Variants in SPOCK3 observed in about 807,000 individuals in gnomAD.
SPOCK3 encodes testican-3.
Under a neutral mutation model 56.6 loss-of-function variants are expected in SPOCK3, and 30 were observed. That is an observed-to-expected ratio of 0.53 (90% confidence interval 0.40 to 0.72). The LOEUF (loss-of-function observed/expected upper bound fraction) is 0.72, where lower values mean the gene tolerates loss of function less well. Ranked by LOEUF, SPOCK3 falls within the 30% of genes least tolerant of loss-of-function variation. The pLI is 0.00. For synonymous variants in SPOCK3, 196 were observed against 183.3 expected (o/e 1.07, Z -0.56); for missense variants, 527 against 530.0 (o/e 0.99, Z 0.06).
intron 6 of SPOCK3, among the ~76,000 whole-genome samples, chr4:166,831,406 G>T (rs756104516): frequency 2.0e-5 from 3 of 151,766 alleles, no homozygotes; most frequent in African/African-American, 7.3e-5. Context: ...AAGATATCTG[G>T]GTCTGGAGTT....
At chr4:166,763,462 G>A (rs1441291677) in intron 7 of SPOCK3, among the ~76,000 whole-genome samples, 1 of 152,024 alleles carries the variant, frequency 6.6e-6, no homozygotes, top group Admixed American at 6.6e-5. Context: ...TGGAAATCTG[G>A]ATCTACATAT....
chr4:167,094,524 A>C (rs903255575), intron 2 of SPOCK3, among the ~76,000 whole-genome samples: 2 of 152,096 alleles, frequency 1.3e-5, no homozygotes, highest in African/African-American at 4.8e-5. Context: ...AAAATCTAAC[A>C]ATCATATCAA....
chr4:167,017,990 GA>G (rs1750802561), intron 3 of SPOCK3, among the ~76,000 whole-genome samples: 1 of 151,852 alleles, frequency 6.6e-6, no homozygotes, highest in Non-Finnish European at 1.5e-5. Context: ...TCTTTCTCAC[GA>G]AGGGACTTAT....
intron 6 of SPOCK3, among the ~76,000 whole-genome samples, chr4:166,842,932 G>A (rs779394444): frequency 6.6e-6 from 1 of 152,206 alleles, no homozygotes; most frequent in Non-Finnish European, 1.5e-5. Context: ...GGACCCCACA[G>A]TCAGGCATGG....
At chr4:167,059,781 A>C (rs1487657865) in intron 3 of SPOCK3, among the ~76,000 whole-genome samples, 1 of 152,246 alleles carries the variant, frequency 6.6e-6, no homozygotes, top group African/African-American at 2.4e-5. Context: ...GACTGGATTA[A>C]GAAAATGTGG....
At chr4:166,823,210 C>G (rs1367365515) in intron 6 of SPOCK3, among the ~76,000 whole-genome samples, 1 of 151,982 alleles carries the variant, frequency 6.6e-6, no homozygotes, top group Non-Finnish European at 1.5e-5. Context: ...GAATGTGAGT[C>G]AAAGTGATAA....
chr4:166,787,511 G>A (rs2126638838), intron 7 of SPOCK3, among the ~76,000 whole-genome samples: 1 of 152,094 alleles, frequency 6.6e-6, no homozygotes, highest in East Asian at 1.9e-4. Flanking sequence ...TATTCACTAA[G>A]CATCAATAAC....
At chr4:167,110,867 A>G (rs1760843341) in intron 2 of SPOCK3, among the ~76,000 whole-genome samples, 1 of 151,904 alleles carries the variant, frequency 6.6e-6, no homozygotes, top group African/African-American at 2.4e-5. Context: ...AGTGCTAACA[A>G]TGCTACCATA....
chr4:166,769,210 C>A (rs1457279710), intron 7 of SPOCK3, among the ~76,000 whole-genome samples: 7 of 152,178 alleles, frequency 4.6e-5, no homozygotes, highest in Admixed American at 4.6e-4. Context: ...CGCTGTCCAG[C>A]TGTCTTCTGT....
intron 6 of SPOCK3, among the ~76,000 whole-genome samples, chr4:166,833,839 T>G (rs755015134): frequency 3.9e-5 from 6 of 152,144 alleles, no homozygotes; most frequent in Non-Finnish European, 8.8e-5. Context: ...TATCTGTGGT[T>G]GCGTTTGGGC....
intron 6 of SPOCK3, among the ~76,000 whole-genome samples, chr4:166,884,884 C>A (rs1734041498): frequency 6.6e-6 from 1 of 151,718 alleles, no homozygotes. Context: ...CACACACACA[C>A]ACACACACAC....
chr4:166,989,510 C>A (rs963311330), intron 4 of SPOCK3, among the ~76,000 whole-genome samples: 1 of 152,038 alleles, frequency 6.6e-6, no homozygotes, highest in African/African-American at 2.4e-5. Flanking sequence ...GTCTTATGTG[C>A]TACAGCTTTT....
intron 6 of SPOCK3, among the ~76,000 whole-genome samples, chr4:166,799,279 G>A (rs1742293683): frequency 6.6e-6 from 1 of 152,170 alleles, no homozygotes; most frequent in Admixed American, 6.5e-5. Context: ...TTGGCTTATT[G>A]TTGATAATGC....
rs76940282 is a variant in SPOCK3, at chr4:166,787,009, C to T, written c.709+5161G>A. Among the ~76,000 whole-genome samples, 617 of 152,258 alleles carry T rather than the reference C, an allele frequency of 4.1e-3. 12 individuals are homozygous for T. In the East Asian group the frequency reaches 0.049, roughly 12 times the overall value. ...AAGCAGCTCAGCACCAGCTCAGATG[C>T]ACCTCTTGAAGTCATTCATTAACTT... On this transcript the variant is annotated intron_variant, in intron 7 of 10. Transcript: ENST00000357545.
chr4:166,934,091 G>A (rs972177824), intron 4 of SPOCK3, among the ~76,000 whole-genome samples: 8 of 152,044 alleles, frequency 5.3e-5, no homozygotes, highest in Non-Finnish European at 1.0e-4. Context: ...ATGAAAAGAG[G>A]AGGAAAAATA....
chr4:166,739,946 G>C (rs765835882), intron 9 of SPOCK3, among the ~76,000 whole-genome samples: 1 of 151,956 alleles, frequency 6.6e-6, no homozygotes, highest in African/African-American at 2.4e-5. Flanking sequence ...ACTTCAGAAC[G>C]CTTTCTATGG....
chr4:167,036,627 T>C (rs190735263), intron 3 of SPOCK3, among the ~76,000 whole-genome samples: 2 of 152,190 alleles, frequency 1.3e-5, no homozygotes, highest in Non-Finnish European at 2.9e-5. Context: ...TTTAACGGAA[T>C]AGTCTACTTT....
intron 2 of SPOCK3, among the ~76,000 whole-genome samples, chr4:167,148,374 T>C (rs1764150544): frequency 6.6e-6 from 1 of 152,112 alleles, no homozygotes; most frequent in Non-Finnish European, 1.5e-5. Context: ...CTTTCTATTA[T>C]CATCTGGTCA....
At chr4:166,944,391 T>C (rs956316160) in intron 4 of SPOCK3, among the ~76,000 whole-genome samples, 2 of 152,170 alleles carry the variant, frequency 1.3e-5, no homozygotes, top group African/African-American at 4.8e-5. Flanking sequence ...ATCACTCCCA[T>C]CTAACCCTCA....
Sources: allele counts gnomAD v4.1 joint callset (sites outside exome capture counted in the v4.1 genomes callset), GRCh38; gene constraint gnomAD v4.1.1; transcripts MANE v1.5; gene names NCBI Gene and HGNC (gene_info 2026-07-23, HGNC 2026-07-21).